The following TIRAP variants were observed in gnomAD, a reference collection of about 807,000 sequenced individuals.
TIRAP encodes TIR domain containing adaptor protein.
In TIRAP, 20 loss-of-function variants were observed where a neutral mutation model predicts 19.8. That is an observed-to-expected ratio of 1.01 (90% confidence interval 0.71 to 1.47). The LOEUF is 1.47. Ranked by LOEUF, TIRAP falls within the 40% of genes most tolerant of loss-of-function variation. The pLI, the probability that TIRAP is intolerant of heterozygous loss-of-function variation, is 0.00. For synonymous variants in TIRAP, 125 were observed against 121.7 expected (o/e 1.03, Z -0.18); for missense variants, 276 against 285.1 (o/e 0.97, Z 0.23).
At position 126,290,886 on chromosome 11, in the gene TIRAP, C is replaced by T. The variant is rs781760006; in HGVS notation, c.-9C>T. The T allele has an allele frequency of 6.2e-7, 1 of 1,602,030 alleles. No homozygotes were observed. Among genetic ancestry groups the T allele is most frequent in the Non-Finnish European group, 8.5e-7 (1 of 1,173,226 alleles). On this transcript the variant is annotated 5_prime_UTR_variant, in exon 3 of 5. Transcript: ENST00000392679. This position sits in a 1 kb window ranked among gnomAD's most constrained non-coding sequence, Gnocchi z 4.9. Reference sequence around the variant, plus strand: ...CTGGTCTCACGGGGCTAGTTTTGACCCCCACGCTATGGCATCATCGACCTC... The same window carrying T: ...CTGGTCTCACGGGGCTAGTTTTGACTCCCACGCTATGGCATCATCGACCTC...
At chr11:126,283,500 G>A (rs1400063484) in intron 1 of TIRAP, among the ~76,000 whole-genome samples, 1 of 152,218 alleles carries the variant, frequency 6.6e-6, no homozygotes, top group Non-Finnish European at 1.5e-5. Context: ...GTTCTTCTCT[G>A]CTCCGGTCAC....
At position 126,287,809 on chromosome 11, in the gene TIRAP, A is replaced by G. The variant is rs1210877673; in HGVS notation, c.-216-2653A>G. Among the ~76,000 whole-genome samples, 8 of 152,310 alleles carry G rather than the reference A, an allele frequency of 5.3e-5. No individual in the cohort carries two copies. Among genetic ancestry groups the G allele is most frequent in the African/African-American group, 1.9e-4 (8 of 41,576 alleles). On this transcript the variant is annotated intron_variant, in intron 1 of 4. Coordinates refer to ENST00000392679, the MANE Select transcript of TIRAP (RefSeq NM_001318777.2). The surrounding 1 kb of genome is among the most constrained non-coding windows in gnomAD (Gnocchi z 4.2). Reference sequence around the variant, plus strand: ...CGCTCTGTCACCCAGGCTGGAGCACAGTGGTGCAATCTCGGCTCACTGCAA... The same window carrying G: ...CGCTCTGTCACCCAGGCTGGAGCACGGTGGTGCAATCTCGGCTCACTGCAA...
intron 3 of TIRAP, among the ~76,000 whole-genome samples, 176 bp from the exon 4 acceptor site, chr11:126,292,301 C>CAAAAAA (rs33948579): frequency 4.5e-4 from 53 of 118,112 alleles, no homozygotes; most frequent in African/African-American, 1.5e-3. Flanking sequence ...GACTCTGCCT[C>CAAAAAA]AAAAAAAAAA....
At chr11:126,286,450 T>A (rs1301344124) in intron 1 of TIRAP, among the ~76,000 whole-genome samples, 2 of 152,184 alleles carry the variant, frequency 1.3e-5, no homozygotes, top group African/African-American at 2.4e-5. Context: ...TCTACAAACC[T>A]CTTTGAGAAC....
At chr11:126,285,347 C>T (rs914399341) in intron 1 of TIRAP, among the ~76,000 whole-genome samples, 1 of 151,306 alleles carries the variant, frequency 6.6e-6, no homozygotes, top group East Asian at 2.0e-4. Context: ...CTGCAACCTC[C>T]GTCTCCCAGG....
chr11:126,284,245 G>A (rs1951290963), intron 1 of TIRAP, among the ~76,000 whole-genome samples: 1 of 151,916 alleles, frequency 6.6e-6, no homozygotes, highest in South Asian at 2.1e-4. Flanking sequence ...TATTGGCCAG[G>A]GTGGTCTCGA....
intron 3 of TIRAP, 126 bp from the exon 4 acceptor site, chr11:126,292,351 G>T: frequency 3.6e-5 from 31 of 853,688 alleles, no homozygotes; most frequent in Non-Finnish European, 5.3e-5. Context: ...AGAATAAGAT[G>T]TTTCCCAGTG....
Position 126,290,609 on chromosome 11 carries a change from C to G in TIRAP, c.-93+24C>G, listed in dbSNP as rs890207555. The G allele has an allele frequency of 8.3e-7, 1 of 1,211,584 alleles. No individual in the cohort carries two copies. Among genetic ancestry groups the G allele is most frequent in the African/African-American group, 1.6e-5 (1 of 62,444 alleles). The allele number at this position is 1,211,584 out of a possible 1,614,324, so 75.1% of individuals were successfully genotyped here. A position where few individuals can be genotyped will look rare whatever the true frequency, so the allele number is the denominator to read the frequency against. On this transcript the variant is annotated intron_variant, in intron 2 of 4. Transcript: ENST00000392679. The surrounding 1 kb of genome is among the most constrained non-coding windows in gnomAD (Gnocchi z 4.9). ...CTGTAAGTCTGACCACACTACACAG[C>G]TTTGGCTTTATCTAGAATCCAGCTC...
Position 126,288,651 on chromosome 11 carries a change from C to G in TIRAP, c.-216-1811C>G, listed in dbSNP as rs1208772940. The G allele has an allele frequency of 6.6e-6, 1 of 152,210 alleles. No homozygotes were observed. Among genetic ancestry groups the G allele is most frequent in the Admixed American group, 6.5e-5 (1 of 15,272 alleles). The allele number at this position is 152,210 out of a possible 1,614,324, so 9.4% of individuals were successfully genotyped here. On this transcript the variant is annotated intron_variant, in intron 1 of 4. Transcript: ENST00000392679. The surrounding 1 kb of genome is among the most constrained non-coding windows in gnomAD (Gnocchi z 5.0). ...ACCACCGCACTTCTGGTGGCATATA[C>G]TGCTGGACAACTGGATTTCTTCTTA...
At chr11:126,289,412 G>A (rs758219577) in intron 1 of TIRAP, among the ~76,000 whole-genome samples, 11 of 152,128 alleles carry the variant, frequency 7.2e-5, no homozygotes, top group African/African-American at 9.7e-5. Context: ...CAAGTAGCTG[G>A]GATTATAGGC....
In TIRAP at chr11:126,292,950, G is replaced by A; in HGVS notation, c.541G>A (p.Gly181Ser). Residue 181 changes from glycine (G) to serine (S), a missense_variant, in exon 4 of 5, where the codon GGC (glycine) becomes AGC (serine). Transcript: ENST00000392679. The stretch of plus-strand genomic sequence containing the variant: ...GGGCTGCACCATCCCCCTGCTGTCG[G>A]GCCTCAGCAGAGCTGCCTACCCACC... Reference protein sequence around the residue: ...AEGCTIPLLSGLSRAAYPPEL... With the variant: ...AEGCTIPLLSSLSRAAYPPEL... 1.9e-6 allele frequency: 3 copies of A among 1,614,106 alleles called. No homozygotes were observed. The highest frequency in any genetic ancestry group is 2.5e-6 in the Non-Finnish European group (3 of 1,179,992).
rs1591372336 is a variant in TIRAP at position 126,287,722 on chromosome 11, ACTT to A, written c.-216-2736_-216-2734del. 6.6e-6 allele frequency among the ~76,000 whole-genome samples: 1 copy of A among 152,220 alleles called. No homozygotes were observed. The highest frequency in any genetic ancestry group is 1.9e-4 in the East Asian group (1 of 5,148). The stretch of plus-strand genomic sequence containing the variant: ...TAGAAAGCACTAAAGGTATTGTGCT[ACTT>A]CTTTTCTGAAGAAATTCTTTACTAA... On this transcript the variant is annotated intron_variant, in intron 1 of 4. Transcript: ENST00000392679. The surrounding 1 kb of genome is among the most constrained non-coding windows in gnomAD (Gnocchi z 4.2).
intron 1 of TIRAP, among the ~76,000 whole-genome samples, chr11:126,284,548 T>G (rs1951295559): frequency 6.6e-6 from 1 of 152,172 alleles, no homozygotes; most frequent in African/African-American, 2.4e-5. Context: ...TTCTTGTGAA[T>G]GTCTTTTGGT....
chr11:126,283,803 AG>A (rs1951283823), intron 1 of TIRAP, among the ~76,000 whole-genome samples: 2 of 152,348 alleles, frequency 1.3e-5, no homozygotes, highest in East Asian at 3.9e-4. Flanking sequence ...AGGGGACACC[AG>A]GATCAGGAAT....
Position 126,288,424 on chromosome 11 carries a change from G to A in TIRAP, c.-216-2038G>A, listed in dbSNP as rs1371880815. ...TACCAGGTCTTGGAAAGATTAACAC[G>A]TGTTTGAATATGTGACAGTTCCACA... On this transcript the variant is annotated intron_variant, in intron 1 of 4. Coordinates refer to ENST00000392679, the MANE Select transcript of TIRAP (RefSeq NM_001318777.2). This position sits in a 1 kb window ranked among gnomAD's most constrained non-coding sequence, Gnocchi z 5.0. The A allele has an allele frequency of 1.3e-5, 2 of 152,194 alleles. No homozygotes were observed. Among genetic ancestry groups the A allele is most frequent in the African/African-American group, 4.8e-5 (2 of 41,432 alleles). 9.4% of individuals were successfully genotyped at this position (152,194 alleles called of 1,614,324 possible).
intron 1 of TIRAP, 121 bp downstream of exon 1, chr11:126,283,274 G>A: frequency 8.3e-6 from 4 of 481,970 alleles, no homozygotes; most frequent in Non-Finnish European, 1.1e-5. Flanking sequence ...GCAGGGGTGC[G>A]CGCCGCCTCT....
Position 126,290,886 on chromosome 11 carries a change from C to G in TIRAP, c.-9C>G. The G allele has an allele frequency of 6.2e-7, 1 of 1,602,030 alleles. No individual in the cohort carries two copies. Among genetic ancestry groups the G allele is most frequent in the Non-Finnish European group, 8.5e-7 (1 of 1,173,226 alleles). On this transcript the variant is annotated 5_prime_UTR_variant, in exon 3 of 5. Coordinates refer to ENST00000392679, the MANE Select transcript of TIRAP (RefSeq NM_001318777.2). The surrounding 1 kb of genome is among the most constrained non-coding windows in gnomAD (Gnocchi z 4.9). ...CTGGTCTCACGGGGCTAGTTTTGAC[C>G]CCCACGCTATGGCATCATCGACCTC...
chr11:126,283,834 C>G (rs950593673), intron 1 of TIRAP, among the ~76,000 whole-genome samples: 2 of 152,186 alleles, frequency 1.3e-5, no homozygotes, highest in Non-Finnish European at 2.9e-5. Context: ...GGAACCACAT[C>G]TAGTTAGTTT....
intron 1 of TIRAP, chr11:126,289,848 T>G: frequency 1.0e-6 from 1 of 985,330 alleles, no homozygotes; most frequent in South Asian, 4.7e-5. Flanking sequence ...GTTGCCTTTC[T>G]AAGGGATTCT....
Sources: allele counts gnomAD v4.1 joint callset (sites outside exome capture counted in the v4.1 genomes callset), GRCh38; gene constraint gnomAD v4.1.1; non-coding constraint Gnocchi (gnomAD v3.1); transcripts MANE v1.5; gene names NCBI Gene and HGNC (gene_info 2026-07-23, HGNC 2026-07-21).